The following SIRT4 variants were observed in gnomAD, a reference collection of about 807,000 sequenced individuals.
SIRT4 encodes the protein NAD-dependent protein lipoamidase sirtuin-4, mitochondrial.
In SIRT4, 23 loss-of-function variants were observed where a neutral mutation model predicts 26.1. The ratio of observed to expected loss-of-function variants is 0.88; its 90% confidence interval spans 0.63 to 1.25. SIRT4 has a LOEUF of 1.25. SIRT4 is among the 50% of genes most tolerant of loss of function. The pLI, the probability that SIRT4 is intolerant of heterozygous loss-of-function variation, is 0.00. For synonymous variants in SIRT4, 155 were observed against 158.4 expected, an observed-to-expected ratio of 0.98 and a Z score of 0.16; for missense variants, 361 against 405.4, an observed-to-expected ratio of 0.89 and a Z score of 0.94.
At chr12:120,300,591 C>T (rs1383728243), upstream of SIRT4, among the ~76,000 whole-genome samples, 1 of 152,074 alleles carries the variant, frequency 6.6e-6, no homozygotes, top group East Asian at 1.9e-4. Flanking sequence ...GGACTACAGG[C>T]ACACACCACC....
At chr12:120,295,896 A>C in the SIRT4 span, among the ~76,000 whole-genome samples, 1 of 151,560 alleles carries the variant, frequency 6.6e-6, no homozygotes, top group Non-Finnish European at 1.5e-5. Context: ...TGTAAATACA[A>C]AATACAAAAA....
At chr12:120,301,520 C>A (rs1218639259), upstream of SIRT4, among the ~76,000 whole-genome samples, 1 of 152,122 alleles carries the variant, frequency 6.6e-6, no homozygotes, top group African/African-American at 2.4e-5. Flanking sequence ...CAAATCTAGG[C>A]CGGGAACAGT....
chr12:120,303,556 T>C lies in SIRT4; in HGVS notation c.-1-5T>C, dbSNP rs1335720159. Reference sequence around the variant, plus strand: ...GTTTCTCACATGAGGCTTCTTTTTCTCTAGAATGAAGATGAGCTTTGCGTT... The same window carrying C: ...GTTTCTCACATGAGGCTTCTTTTTCCCTAGAATGAAGATGAGCTTTGCGTT... On this transcript the variant is annotated splice_region_variant and splice_polypyrimidine_tract_variant and intron_variant, in intron 1 of 3. Coordinates refer to ENST00000202967, the MANE Select transcript of SIRT4 (RefSeq NM_012240.3). The C allele has an allele frequency of 6.4e-6, 10 of 1,572,290 alleles. No homozygotes were observed. In the Admixed American group the frequency reaches 1.0e-4, roughly 16 times the overall value.
chr12:120,304,835 A>ATATATATATATTTTTTTTTT (rs1872689615), intron 2 of SIRT4, among the ~76,000 whole-genome samples: 1 of 24,864 alleles, frequency 4.0e-5, no homozygotes, highest in African/African-American at 1.5e-4. Context: ...ATATATATAT[A>ATATATATATATTTTTTTTTT]TTTTTTTTTT....
intron 2 of SIRT4, among the ~76,000 whole-genome samples, chr12:120,308,346 T>C (rs1872826985): frequency 6.6e-6 from 1 of 151,712 alleles, no homozygotes; most frequent in South Asian, 2.1e-4. Flanking sequence ...ATTTTTTGTA[T>C]TTGTAGTAGA....
intron 2 of SIRT4, among the ~76,000 whole-genome samples, chr12:120,310,621 A>G (rs1264151566): frequency 6.6e-6 from 1 of 152,038 alleles, no homozygotes; most frequent in Non-Finnish European, 1.5e-5. Context: ...CTGTAGTCCC[A>G]GCACTTTGGA....
chr12:120,302,008 A>G (rs900410338), upstream of SIRT4, among the ~76,000 whole-genome samples: 75 of 146,558 alleles, frequency 5.1e-4, 1 homozygote, highest in Admixed American at 5.2e-3. Flanking sequence ...AGATCGTGCC[A>G]CTGCACTCCA....
chr12:120,309,836 C>G (rs1324563707), intron 2 of SIRT4, among the ~76,000 whole-genome samples: 3 of 151,460 alleles, frequency 2.0e-5, no homozygotes, highest in South Asian at 4.2e-4. Flanking sequence ...CTGTCTCAAC[C>G]TCCTGAGTAG....
chr12:120,298,768 A>G (rs1343013197), upstream of SIRT4, among the ~76,000 whole-genome samples: 5 of 148,748 alleles, frequency 3.4e-5, no homozygotes, highest in Non-Finnish European at 7.4e-5. Context: ...TTAGCCGGGC[A>G]TGGTGGCGGG....
chr12:120,305,990 T>C (rs945542352), intron 2 of SIRT4, among the ~76,000 whole-genome samples: 3 of 144,022 alleles, frequency 2.1e-5, no homozygotes, highest in Non-Finnish European at 1.5e-5. Flanking sequence ...CCAGCCTGGG[T>C]GACAGAGCGA....
intron 1 of SIRT4, among the ~76,000 whole-genome samples, chr12:120,303,234 C>T (rs1193247973): frequency 1.3e-5 from 2 of 151,782 alleles, no homozygotes; most frequent in African/African-American, 2.4e-5. Flanking sequence ...AATTCCAGCA[C>T]GTTGGGAGGC....
At chr12:120,292,247 G>A in the SIRT4 span, among the ~76,000 whole-genome samples, 1 of 152,190 alleles carries the variant, frequency 6.6e-6, no homozygotes. Flanking sequence ...GCTCGAGGGT[G>A]CGGAAACAGC....
chr12:120,303,729 A>T lies in SIRT4; in HGVS notation c.168A>T (p.Arg56Ser). 6.2e-7 allele frequency: 1 copy of T among 1,613,684 alleles called. No homozygotes were observed. The stretch of plus-strand genomic sequence containing the variant: ...AGCGCTTCATCACCCTTTCCAAGAG[A>T]CTCCTTGTGATGACTGGGGCAGGAA... ...ELQRFITLSK[R>S]LLVMTGAGIS... Residue 56 changes from arginine to serine, a missense_variant, in exon 2 of 4, where the codon AGA becomes AGT. Coordinates refer to ENST00000202967, the MANE Select transcript of SIRT4 (RefSeq NM_012240.3).
intron 2 of SIRT4, among the ~76,000 whole-genome samples, 154 bp from the exon 3 acceptor site, chr12:120,312,302 A>C (rs1281054920): frequency 6.6e-6 from 1 of 152,116 alleles, no homozygotes; most frequent in Admixed American, 6.6e-5. Context: ...TAAAAAAAAT[A>C]AAATAGAAAG....
chr12:120,306,335 CGTG>C (rs1872744794), intron 2 of SIRT4, among the ~76,000 whole-genome samples: 1 of 151,336 alleles, frequency 6.6e-6, no homozygotes, highest in Non-Finnish European at 1.5e-5. Flanking sequence ...ATTAGCTGGG[CGTG>C]GTGGTGCATG....
At chr12:120,304,835 ATTTT>A (rs1169655844) in intron 2 of SIRT4, among the ~76,000 whole-genome samples, 2,531 of 20,810 alleles carry the variant, frequency 0.12, 25 homozygotes, top group African/African-American at 0.14. Flanking sequence ...ATATATATAT[ATTTT>A]TTTTTTTTTT....
chr12:120,298,117 AC>A (rs1489955799), upstream of SIRT4, among the ~76,000 whole-genome samples: 2 of 141,650 alleles, frequency 1.4e-5, no homozygotes, highest in African/African-American at 5.3e-5. Context: ...AATCACTTGA[AC>A]CCGGGAGGCG....
rs267603340 is a variant in SIRT4 at position 120,312,527 on chromosome 12, C to T, written c.569C>T (p.Pro190Leu). 1 of 1,614,152 alleles carries T rather than the reference C, an allele frequency of 6.2e-7. No individual in the cohort carries two copies. Among genetic ancestry groups the T allele is most frequent in the Non-Finnish European group, 8.5e-7 (1 of 1,180,024 alleles). ...CAAGAGCGTTTCCAAGTCCTGAACC[C>T]CACCTGGAGTGCTGAGGCCCATGGC... Reference protein sequence around the residue: ...VLQERFQVLNPTWSAEAHGLA... With the variant: ...VLQERFQVLNLTWSAEAHGLA... The change falls in exon 3 of 4, where the codon CCC (proline) becomes CTC (leucine). Residue 190 changes from proline to leucine, a missense_variant. Transcript: ENST00000202967.
upstream of SIRT4, among the ~76,000 whole-genome samples, chr12:120,300,044 G>A (rs1346148268): frequency 1.3e-5 from 2 of 152,060 alleles, no homozygotes; most frequent in East Asian, 3.9e-4. Context: ...CAGCACTTTG[G>A]GAGGCCAAAG....
Sources: allele counts gnomAD v4.1 joint callset (sites outside exome capture counted in the v4.1 genomes callset), GRCh38; gene constraint gnomAD v4.1.1; transcripts MANE v1.5; gene names NCBI Gene and HGNC (gene_info 2026-07-23, HGNC 2026-07-21).